The following RGS6 variants were observed in gnomAD, a reference collection of about 807,000 sequenced individuals.
The protein encoded by RGS6 is regulator of G-protein signaling 6.
Under a neutral mutation model 78.5 loss-of-function variants are expected in RGS6, and 30 were observed. The observed-to-expected ratio is 0.38, with a 90% CI of 0.29 to 0.52. The LOEUF is 0.52. RGS6 is among the 20% of genes least tolerant of loss of function. RGS6 has a pLI of 0.85. For missense variants in RGS6, 495 were observed against 609.7 expected, an observed-to-expected ratio of 0.81 and a Z score of 1.98; for synonymous variants, 206 against 206.0, an observed-to-expected ratio of 1.00 and a Z score of 0.00.
intron 3 of RGS6, among the ~76,000 whole-genome samples, chr14:72,439,561 A>G (rs1187151066): frequency 6.6e-6 from 1 of 152,246 alleles, no homozygotes; most frequent in African/African-American, 2.4e-5. Context: ...GCTTAGCTCT[A>G]CAAGGCTATC....
At chr14:72,391,260 GA>G (rs33975442) in intron 3 of RGS6, among the ~76,000 whole-genome samples, 1 of 152,028 alleles carries the variant, frequency 6.6e-6, no homozygotes, top group East Asian at 1.9e-4. Flanking sequence ...CAAACTTCAA[GA>G]AAAAAATTCA....
chr14:71,958,327 T>G (rs930805004), intron 1 of RGS6, among the ~76,000 whole-genome samples: 7 of 152,188 alleles, frequency 4.6e-5, no homozygotes, highest in Non-Finnish European at 1.5e-5. Context: ...TGACAAACTG[T>G]GTTACTTTGG....
chr14:72,351,408 T>C (rs948450698), intron 2 of RGS6, among the ~76,000 whole-genome samples: 6 of 152,170 alleles, frequency 3.9e-5, no homozygotes, highest in African/African-American at 1.2e-4. Context: ...CAGTAGGATG[T>C]CAACAGTCCA....
At chr14:71,901,987 G>C in the RGS6 span, among the ~76,000 whole-genome samples, 1 of 152,068 alleles carries the variant, frequency 6.6e-6, no homozygotes, top group Non-Finnish European at 1.5e-5. Context: ...CTGTCTTCTA[G>C]CCTTTGTAAA....
At chr14:72,259,387 A>G (rs959593533) in intron 2 of RGS6, among the ~76,000 whole-genome samples, 2 of 151,976 alleles carry the variant, frequency 1.3e-5, no homozygotes, top group African/African-American at 2.4e-5. Flanking sequence ...TACTTACTAC[A>G]TTTTATTTCC....
At chr14:71,925,713 A>G in the RGS6 span, among the ~76,000 whole-genome samples, 1 of 75,990 alleles carries the variant, frequency 1.3e-5, no homozygotes, top group Non-Finnish European at 2.7e-5. Flanking sequence ...AGATGACTTC[A>G]TATTATATTA....
chr14:72,526,315 C>T (rs1252413910), intron 15 of RGS6, among the ~76,000 whole-genome samples: 1 of 152,020 alleles, frequency 6.6e-6, no homozygotes, highest in Non-Finnish European at 1.5e-5. Context: ...CCATATTAGC[C>T]AGGATGGTCT....
chr14:72,369,133 C>T (rs1265952741), intron 3 of RGS6, among the ~76,000 whole-genome samples: 1 of 152,198 alleles, frequency 6.6e-6, no homozygotes. Context: ...TCCTGAGCCA[C>T]ATGTGGCCCA....
At chr14:72,368,211 C>T (rs1259850156) in intron 3 of RGS6, among the ~76,000 whole-genome samples, 2 of 152,144 alleles carry the variant, frequency 1.3e-5, no homozygotes, top group African/African-American at 2.4e-5. Context: ...TGTGTGTGAA[C>T]TGGGGATGGG....
intron 2 of RGS6, among the ~76,000 whole-genome samples, chr14:72,279,947 G>A (rs2061309979): frequency 6.6e-6 from 1 of 152,174 alleles, no homozygotes; most frequent in Admixed American, 6.5e-5. Flanking sequence ...TAGAGCAAGA[G>A]AACATCAGTA....
chr14:72,018,478 T>G (rs11628574), intron 2 of RGS6, among the ~76,000 whole-genome samples: 19,935 of 152,178 alleles, frequency 0.13, 1,582 homozygotes, highest in East Asian at 0.2. Flanking sequence ...GGACCAATTT[T>G]TATGTGAATT....
chr14:72,203,251 T>TCTCTA (rs2041980420), intron 2 of RGS6, among the ~76,000 whole-genome samples: 1 of 152,230 alleles, frequency 6.6e-6, no homozygotes, highest in Non-Finnish European at 1.5e-5. Flanking sequence ...ATCTATCATG[T>TCTCTA]ATATAGGCAC....
At chr14:72,157,394 C>T (rs1325677098) in intron 2 of RGS6, among the ~76,000 whole-genome samples, 2 of 152,196 alleles carry the variant, frequency 1.3e-5, no homozygotes, top group Non-Finnish European at 2.9e-5. Flanking sequence ...ATGTCTGTTA[C>T]TCGCTTGAAA....
intron 3 of RGS6, among the ~76,000 whole-genome samples, chr14:72,359,218 G>A (rs191569006): frequency 4.6e-5 from 7 of 152,058 alleles, no homozygotes; most frequent in Non-Finnish European, 1.0e-4. Flanking sequence ...CATGAGAACC[G>A]ACTAATAGAG....
At chr14:72,623,396 A>T in the RGS6 span, among the ~76,000 whole-genome samples, 3 of 152,242 alleles carry the variant, frequency 2.0e-5, no homozygotes, top group Admixed American at 2.0e-4. Context: ...GAGAGAAACT[A>T]TTCCATCTGA....
intron 12 of RGS6, among the ~76,000 whole-genome samples, chr14:72,483,588 T>A (rs1198933380): frequency 3.3e-5 from 5 of 152,132 alleles, no homozygotes; most frequent in Non-Finnish European, 7.3e-5. Context: ...GGGAACTTAA[T>A]GTCTAATTAT....
chr14:72,299,591 T>C (rs2065619713), intron 2 of RGS6, among the ~76,000 whole-genome samples: 1 of 152,250 alleles, frequency 6.6e-6, no homozygotes, highest in South Asian at 2.1e-4. Flanking sequence ...TTTTAGACTT[T>C]CACCAGCAGT....
At chr14:71,891,468 C>T in the RGS6 span, among the ~76,000 whole-genome samples, 2 of 152,272 alleles carry the variant, frequency 1.3e-5, no homozygotes, top group African/African-American at 2.4e-5. Flanking sequence ...GTCTTAGCCA[C>T]GGTGGTCCAG....
rs559125674 is a variant in RGS6, at chr14:72,187,005, A to G, written c.85-165090A>G. On this transcript the variant is annotated intron_variant, in intron 2 of 17. Transcript: ENST00000553525. ...TCTCCCTGAATGGAAAGTGTCAAAAAATGGCCATTTAGACTTTCTGCTTTG... is the reference window on the plus strand; with the variant it reads ...TCTCCCTGAATGGAAAGTGTCAAAAGATGGCCATTTAGACTTTCTGCTTTG... Among the ~76,000 whole-genome samples the G allele has an allele frequency of 8.5e-5, 13 of 152,316 alleles. 1 individual carries two copies. In the South Asian group the frequency reaches 2.7e-3, roughly 32 times the overall value.
Sources: allele counts gnomAD v4.1 joint callset (sites outside exome capture counted in the v4.1 genomes callset), GRCh38; gene constraint gnomAD v4.1.1; transcripts MANE v1.5; gene names NCBI Gene and HGNC (gene_info 2026-07-23, HGNC 2026-07-21).